The following GRIK1 variants were observed in gnomAD, a reference collection of about 807,000 sequenced individuals.
The protein encoded by GRIK1 is glutamate receptor ionotropic, kainate 1.
Under a neutral mutation model 105.7 loss-of-function variants are expected in GRIK1, and 69 were observed. That is an observed-to-expected ratio of 0.65 (90% confidence interval 0.54 to 0.80). The LOEUF is 0.80. Ranked by LOEUF, GRIK1 falls within the 30% of genes least tolerant of loss-of-function variation. The pLI, the probability that GRIK1 is intolerant of heterozygous loss-of-function variation, is 0.00. For synonymous variants in GRIK1, 438 were observed against 431.3 expected, an observed-to-expected ratio of 1.02 and a Z score of -0.19; for missense variants, 1,109 against 1,167.3, an observed-to-expected ratio of 0.95 and a Z score of 0.73.
chr21:29,542,077 A>T (rs1453041384), intron 16 of GRIK1, among the ~76,000 whole-genome samples: 1 of 152,072 alleles, frequency 6.6e-6, no homozygotes, highest in Non-Finnish European at 1.5e-5. Flanking sequence ...AGAGGAAAGG[A>T]AATGGAGAAA....
At chr21:29,925,797 T>A (rs1437524825) in intron 1 of GRIK1, among the ~76,000 whole-genome samples, 1 of 152,186 alleles carries the variant, frequency 6.6e-6, no homozygotes, top group African/African-American at 2.4e-5. Flanking sequence ...TGGGCTGCCT[T>A]CCTGATTTTT....
At position 29,560,400 on chromosome 21, in the gene GRIK1, C is replaced by CTTT. The variant is rs1601112863; in HGVS notation, c.2356+1223_2356+1224insAAA. ...TCCTTCCTTCCTTCCTTCCTTCCTT[C>CTTT]CTTTCTTTCTTTCTTTCTTTCTTTC... On this transcript the variant is annotated intron_variant, in intron 15 of 17. Coordinates refer to ENST00000327783, the MANE Select transcript of GRIK1 (RefSeq NM_001330994.2). Among the ~76,000 whole-genome samples, 258 of 67,058 alleles carry CTTT rather than the reference C, an allele frequency of 3.8e-3. 44 individuals carry two copies. Among genetic ancestry groups the CTTT allele is most frequent in the Admixed American group, 0.01 (67 of 6,644 alleles). 44.0% of individuals were successfully genotyped at this position (67,058 alleles called of 152,430 possible). A position where few individuals can be genotyped will look rare whatever the true frequency, so the allele number is the denominator to read the frequency against.
At chr21:29,757,908 C>T (rs1205491231) in intron 1 of GRIK1, among the ~76,000 whole-genome samples, 1 of 152,232 alleles carries the variant, frequency 6.6e-6, no homozygotes, top group African/African-American at 2.4e-5. Context: ...TTGAGGGATG[C>T]TGCTTTATAT....
intron 1 of GRIK1, among the ~76,000 whole-genome samples, chr21:29,930,544 T>C (rs971395143): frequency 6.6e-6 from 1 of 152,306 alleles, no homozygotes; most frequent in Admixed American, 6.5e-5. Flanking sequence ...CTAAGAAAAG[T>C]AATCTGTGAA....
chr21:29,823,240 G>A (rs950950944), intron 1 of GRIK1, among the ~76,000 whole-genome samples: 10 of 151,734 alleles, frequency 6.6e-5, no homozygotes, highest in Non-Finnish European at 1.0e-4. Context: ...ATGATAATAG[G>A]TATAAATATA....
At chr21:29,854,318 T>C (rs1464673520) in intron 1 of GRIK1, among the ~76,000 whole-genome samples, 3 of 142,760 alleles carry the variant, frequency 2.1e-5, no homozygotes, top group Non-Finnish European at 4.5e-5. Flanking sequence ...TCATGAGATA[T>C]TTGTTCCCAT....
At chr21:29,870,039 GCCC>G (rs10549673) in intron 1 of GRIK1, among the ~76,000 whole-genome samples, 145,233 of 152,108 alleles carry the variant, frequency 0.95, 69,407 homozygotes, top group African/African-American at 0.98. Context: ...TTTAGTTTAT[GCCC>G]TATGTTCCTC....
At chr21:29,703,662 G>C (rs1422290943) in intron 1 of GRIK1, among the ~76,000 whole-genome samples, 1 of 152,208 alleles carries the variant, frequency 6.6e-6, no homozygotes, top group African/African-American at 2.4e-5. Context: ...ATTTGGATGG[G>C]AAGCAGGTGT....
chr21:29,537,133 T>C lies in GRIK1; in HGVS notation c.*97A>G. The C allele has an allele frequency of 2.8e-6, 2 of 722,222 alleles. No homozygotes were observed. The highest frequency in any genetic ancestry group is 4.4e-6 in the Non-Finnish European group (2 of 457,010). 44.7% of individuals were successfully genotyped at this position (722,222 alleles called of 1,614,324 possible). ...GTATTCATAATCAGAGTTATGGATA[T>C]AGATATATGGAAACACATCACACAC... On this transcript the variant is annotated 3_prime_UTR_variant, in exon 18 of 18. Transcript: ENST00000327783.
At chr21:29,775,622 G>C (rs1367098594) in intron 1 of GRIK1, among the ~76,000 whole-genome samples, 12 of 152,178 alleles carry the variant, frequency 7.9e-5, no homozygotes, top group Non-Finnish European at 1.8e-4. Context: ...GGAAAGGCCA[G>C]GTCTCCTGAC....
At chr21:29,579,117 C>G (rs1314696514) in intron 13 of GRIK1, among the ~76,000 whole-genome samples, 1 of 152,082 alleles carries the variant, frequency 6.6e-6, no homozygotes, top group Non-Finnish European at 1.5e-5. Flanking sequence ...ATCTTTCACA[C>G]TTTAGAATGC....
chr21:29,837,207 T>C (rs1042004448), intron 1 of GRIK1, among the ~76,000 whole-genome samples: 10 of 152,202 alleles, frequency 6.6e-5, no homozygotes, highest in African/African-American at 2.2e-4. Context: ...CTCTCTCTCC[T>C]ACAAGGAGAG....
In GRIK1 at chr21:29,720,495, A is replaced by ATGTGTGTG. The variant is rs147353174; in HGVS notation, c.119-26440_119-26433dup. On this transcript the variant is annotated intron_variant, in intron 1 of 17. Coordinates refer to ENST00000327783, the MANE Select transcript of GRIK1 (RefSeq NM_001330994.2). ...AGCAACCAGTTGCATGTGTGTGTATATGTGTGTGTGTGTGTGTATGCTGCG... is the reference window on the plus strand; with the variant it reads ...AGCAACCAGTTGCATGTGTGTGTATATGTGTGTGTGTGTGTGTGTGTGTGTATGCTGCG... 7.5e-4 allele frequency among the ~76,000 whole-genome samples: 112 copies of ATGTGTGTG among 150,030 alleles called. 2 individuals are homozygous for ATGTGTGTG. Among genetic ancestry groups the ATGTGTGTG allele is most frequent in the African/African-American group, 2.4e-3 (99 of 40,584 alleles).
At chr21:29,908,049 T>TATA (rs1422042208) in intron 1 of GRIK1, among the ~76,000 whole-genome samples, 2 of 152,080 alleles carry the variant, frequency 1.3e-5, no homozygotes, top group African/African-American at 2.4e-5. Context: ...TCTTGTTAAA[T>TATA]ATAATAATAA....
chr21:29,546,146 G>T (rs1278144905), intron 16 of GRIK1, among the ~76,000 whole-genome samples: 1 of 152,068 alleles, frequency 6.6e-6, no homozygotes, highest in East Asian at 1.9e-4. Context: ...GATGACCATG[G>T]TCCCAGTGTC....
At chr21:29,883,597 C>T (rs1376515451) in intron 1 of GRIK1, among the ~76,000 whole-genome samples, 1 of 151,954 alleles carries the variant, frequency 6.6e-6, no homozygotes. Flanking sequence ...AAATCAGGAT[C>T]TTCTGTAGAC....
intron 1 of GRIK1, among the ~76,000 whole-genome samples, chr21:29,893,509 A>C (rs976745056): frequency 1.3e-5 from 2 of 152,180 alleles, no homozygotes; most frequent in Non-Finnish European, 2.9e-5. Context: ...CTTCTTTTGT[A>C]ATGTGGGGTA....
chr21:29,679,028 T>C (rs892825522), intron 3 of GRIK1, among the ~76,000 whole-genome samples: 2 of 152,196 alleles, frequency 1.3e-5, no homozygotes, highest in African/African-American at 4.8e-5. Context: ...TAAATACAGC[T>C]ATAAGAGCAG....
intron 1 of GRIK1, among the ~76,000 whole-genome samples, chr21:29,706,391 CACG>C (rs1249595898): frequency 6.6e-6 from 1 of 152,076 alleles, no homozygotes; most frequent in East Asian, 1.9e-4. Context: ...ACACATTTAC[CACG>C]ACACTTTTCC....
Sources: allele counts gnomAD v4.1 joint callset (sites outside exome capture counted in the v4.1 genomes callset), GRCh38; gene constraint gnomAD v4.1.1; transcripts MANE v1.5; gene names NCBI Gene and HGNC (gene_info 2026-07-23, HGNC 2026-07-21).